PCDH15: variants seen among roughly 807,000 people sequenced by gnomAD.
PCDH15 encodes protocadherin-15.
In PCDH15, 129 loss-of-function variants were observed where a neutral mutation model predicts 178.5. The ratio of observed to expected loss-of-function variants is 0.72; its 90% CI spans 0.63 to 0.84. The LOEUF is 0.84. PCDH15 is among the 40% of genes least tolerant of loss of function. PCDH15 has a pLI of 0.00. For synonymous variants in PCDH15, 800 were observed against 732.0 expected (o/e 1.09, Z -1.50); for missense variants, 2,230 against 2,099.9 (o/e 1.06, Z -1.21).
intron 8 of PCDH15, among the ~76,000 whole-genome samples, chr10:54,315,964 GTTTTTTGGGTTTTGTTTTT>G (rs1359550097): frequency 9.2e-6 from 1 of 108,524 alleles, no homozygotes; most frequent in Non-Finnish European, 2.0e-5. Flanking sequence ...TTTTGTTTTT[GTTTTTTGGGTTTTGTTTTT>G]TTTTTTGGCT....
intron 26 of PCDH15, among the ~76,000 whole-genome samples, chr10:53,884,090 G>C (rs897031788): frequency 3.3e-5 from 5 of 152,144 alleles, no homozygotes; most frequent in African/African-American, 1.2e-4. Context: ...CCAAAAAATA[G>C]CACTGCTCAA....
intron 2 of PCDH15, among the ~76,000 whole-genome samples, chr10:55,515,440 A>C (rs1407536360): frequency 6.6e-6 from 1 of 152,180 alleles, no homozygotes; most frequent in Non-Finnish European, 1.5e-5. Context: ...ATGCAGAAGC[A>C]GATGTGAGAA....
chr10:54,563,817 T>A (rs2088588592), intron 2 of PCDH15, among the ~76,000 whole-genome samples: 1 of 152,134 alleles, frequency 6.6e-6, no homozygotes, highest in Non-Finnish European at 1.5e-5. Flanking sequence ...CATAACCAAA[T>A]ACTTTTAAAA....
At chr10:55,607,087 G>C (rs1162222297) in intron 2 of PCDH15, among the ~76,000 whole-genome samples, 1 of 152,120 alleles carries the variant, frequency 6.6e-6, no homozygotes, top group Non-Finnish European at 1.5e-5. Flanking sequence ...AGTGGGCAAA[G>C]GATATGAACA....
chr10:54,144,844 T>C (rs986545383), intron 14 of PCDH15, among the ~76,000 whole-genome samples: 3 of 152,188 alleles, frequency 2.0e-5, no homozygotes, highest in African/African-American at 7.2e-5. Context: ...ATAACATTAA[T>C]TAGCAACAGC....
intron 24 of PCDH15, among the ~76,000 whole-genome samples, chr10:53,939,923 G>T (rs922439295): frequency 2.6e-5 from 4 of 152,016 alleles, no homozygotes; most frequent in African/African-American, 7.2e-5. Flanking sequence ...CAAGGAAAAA[G>T]GAAATTTAGT....
At chr10:54,824,492 G>C (rs1184634713) in intron 3 of PCDH15, among the ~76,000 whole-genome samples, 1 of 152,122 alleles carries the variant, frequency 6.6e-6, no homozygotes, top group Non-Finnish European at 1.5e-5. Context: ...GAGTAGGCAG[G>C]AGGCGCTCTC....
At chr10:54,619,292 G>T (rs1447059139) in intron 2 of PCDH15, 1 of 151,922 alleles carries the variant, frequency 6.6e-6, no homozygotes, top group Non-Finnish European at 1.5e-5. Flanking sequence ...ATGGCAGACT[G>T]GGATAACATC....
At chr10:55,568,575 T>C (rs561765754) in intron 2 of PCDH15, among the ~76,000 whole-genome samples, 3 of 151,876 alleles carry the variant, frequency 2.0e-5, no homozygotes, top group African/African-American at 7.2e-5. Flanking sequence ...AAAAAACAAA[T>C]CAAACAAAAA....
At chr10:55,533,130 T>A (rs923446330) in intron 2 of PCDH15, among the ~76,000 whole-genome samples, 1 of 152,084 alleles carries the variant, frequency 6.6e-6, no homozygotes, top group African/African-American at 2.4e-5. Context: ...TCATACTGAA[T>A]GGGCAAAAGC....
At chr10:54,512,247 G>A (rs1191978993) in intron 3 of PCDH15, among the ~76,000 whole-genome samples, 1 of 152,012 alleles carries the variant, frequency 6.6e-6, no homozygotes, top group Non-Finnish European at 1.5e-5. Flanking sequence ...TAAAAGTACA[G>A]AGTATTCTTT....
chr10:54,395,017 A>C (rs1463300605), intron 3 of PCDH15, among the ~76,000 whole-genome samples: 3 of 152,116 alleles, frequency 2.0e-5, no homozygotes, highest in Admixed American at 2.0e-4. Flanking sequence ...CGAGGTGCCC[A>C]CATTTCATAT....
At chr10:55,242,701 AG>A (rs113802766) in intron 1 of PCDH15, among the ~76,000 whole-genome samples, 21,406 of 151,956 alleles carry the variant, frequency 0.14, 1,603 homozygotes, top group East Asian at 0.27. Context: ...AGAAAAAAAA[AG>A]TAGCTGGGCA....
intron 1 of PCDH15, among the ~76,000 whole-genome samples, chr10:54,724,099 C>T (rs1400188612): frequency 6.6e-6 from 1 of 151,694 alleles, no homozygotes; most frequent in Non-Finnish European, 1.5e-5. Context: ...GTATGTTCAA[C>T]ACAATACTAC....
chr10:54,700,496 C>G (rs1425630257), intron 1 of PCDH15, among the ~76,000 whole-genome samples: 1 of 151,958 alleles, frequency 6.6e-6, no homozygotes, highest in African/African-American at 2.4e-5. Flanking sequence ...AACTGAAAGA[C>G]AAAATAGCCA....
chr10:54,746,305 T>C (rs967451979), intron 1 of PCDH15, among the ~76,000 whole-genome samples: 8 of 152,144 alleles, frequency 5.3e-5, no homozygotes, highest in African/African-American at 1.9e-4. Flanking sequence ...TGTTAAGATA[T>C]ACTGCTCAAA....
At chr10:54,449,912 G>A (rs2076362988) in intron 3 of PCDH15, among the ~76,000 whole-genome samples, 1 of 151,472 alleles carries the variant, frequency 6.6e-6, no homozygotes, top group Non-Finnish European at 1.5e-5. Flanking sequence ...AGCTACAAAA[G>A]CAAATTACTT....
At chr10:55,064,738 T>C (rs1841520507) in intron 2 of PCDH15, among the ~76,000 whole-genome samples, 1 of 152,118 alleles carries the variant, frequency 6.6e-6, no homozygotes, top group Non-Finnish European at 1.5e-5. Flanking sequence ...TTACTTCTAA[T>C]TCTCTTCATC....
intron 2 of PCDH15, among the ~76,000 whole-genome samples, chr10:55,446,272 G>A (rs1443714124): frequency 6.6e-6 from 1 of 150,946 alleles, no homozygotes; most frequent in Non-Finnish European, 1.5e-5. Context: ...ATGTTTATGA[G>A]CAAAGCAGTT....
Sources: allele counts gnomAD v4.1 joint callset (sites outside exome capture counted in the v4.1 genomes callset), GRCh38; gene constraint gnomAD v4.1.1; transcripts MANE v1.5; gene names NCBI Gene and HGNC (gene_info 2026-07-23, HGNC 2026-07-21).